Variants in DST observed in about 807,000 individuals in gnomAD.
DST encodes bullous pemphigoid antigen.
A neutral mutation model predicts 875.2 loss-of-function variants in DST; 253 were observed. The ratio of observed to expected loss-of-function variants is 0.29; its 90% CI spans 0.26 to 0.32. The LOEUF is 0.32. Ranked by LOEUF, DST falls within the 10% of genes least tolerant of loss-of-function variation. The pLI is 1.00. For missense variants in DST, 8,287 were observed against 9,111.6 expected (o/e 0.91, Z 3.68); for synonymous variants, 3,124 against 3,197.1 (o/e 0.98, Z 0.77).
intron 4 of DST, among the ~76,000 whole-genome samples, chr6:56,794,972 C>A (rs748056231): frequency 3.9e-5 from 6 of 152,062 alleles, no homozygotes; most frequent in Non-Finnish European, 5.9e-5. Flanking sequence ...ACACAGATAG[C>A]GAGTCCATAA....
chr6:56,748,237 A>G (rs1181018436), intron 4 of DST, among the ~76,000 whole-genome samples: 1 of 152,146 alleles, frequency 6.6e-6, no homozygotes, highest in Non-Finnish European at 1.5e-5. Context: ...ATGGTTGTAT[A>G]CCCTGTATAT....
intron 102 of DST, chr6:56,460,847 A>G (rs2094291986): frequency 6.6e-6 from 1 of 152,240 alleles, no homozygotes; most frequent in African/African-American, 2.4e-5. Flanking sequence ...TATCACTTCT[A>G]CAGTCTTTAC....
At chr6:56,702,590 T>C (rs921600922) in intron 7 of DST, among the ~76,000 whole-genome samples, 1 of 152,158 alleles carries the variant, frequency 6.6e-6, no homozygotes, top group South Asian at 2.1e-4. Context: ...ACTACGATAA[T>C]TAGAAAGGAC....
intron 69 of DST, among the ~76,000 whole-genome samples, chr6:56,520,408 T>A (rs1367851552): frequency 6.6e-6 from 1 of 151,584 alleles, no homozygotes; most frequent in Non-Finnish European, 1.5e-5. Context: ...GAGGGTAGGG[T>A]GGGATGGAAT....
intron 5 of DST, among the ~76,000 whole-genome samples, chr6:56,733,870 G>A (rs1337908108): frequency 6.6e-6 from 1 of 151,940 alleles, no homozygotes; most frequent in Non-Finnish European, 1.5e-5. Context: ...CAACAAGGGT[G>A]AAAAAAACAG....
intron 2 of DST, among the ~76,000 whole-genome samples, chr6:56,946,664 G>A (rs1196612090): frequency 6.6e-6 from 1 of 152,196 alleles, no homozygotes; most frequent in Non-Finnish European, 1.5e-5. Context: ...GGGAAGGAAG[G>A]CTAAGATGCC....
intron 3 of DST, among the ~76,000 whole-genome samples, chr6:56,860,561 G>C (rs763419766): frequency 6.6e-6 from 1 of 152,260 alleles, no homozygotes; most frequent in South Asian, 2.1e-4. Flanking sequence ...TCAGGCTCCC[G>C]ACGAATCTAG....
At chr6:56,628,182 T>G in intron 32 of DST, 21 bp from the exon 33 acceptor site, 1 of 1,609,088 alleles carries the variant, frequency 6.2e-7, no homozygotes, top group Non-Finnish European at 8.5e-7. Flanking sequence ...AGTAACCGAA[T>G]AGTCACGGTG....
Position 56,492,372 on chromosome 6 carries a change from G to T in DST, c.20612C>A (p.Thr6871Asn). The change falls in exon 85 of 104, where the codon ACC becomes AAC. Residue 6871 changes from threonine to asparagine, a missense_variant. Transcript: ENST00000680361. ...EQIIELDKTGTHLKYFSQKQD... is the reference protein window; with the variant it reads ...EQIIELDKTGNHLKYFSQKQD... ...TTTCTGACTAAAATATTTTAGGTGG[G>T]TTCCAGTTTTGTCCAGCTCTATTAT... 1 of 1,613,762 alleles carries T rather than the reference G, an allele frequency of 6.2e-7. No homozygotes were observed. Among genetic ancestry groups the T allele is most frequent in the Non-Finnish European group, 8.5e-7 (1 of 1,179,792 alleles).
In DST at chr6:56,594,079, G is replaced by C. The variant is rs1015657276; in HGVS notation, c.12310C>G (p.Leu4104Val). 1.1e-5 allele frequency: 17 copies of C among 1,611,390 alleles called. No individual in the cohort carries two copies. Among genetic ancestry groups the C allele is most frequent in the Admixed American group, 8.4e-5 (5 of 59,540 alleles). The change falls in exon 48 of 104, where the codon CTG becomes GTG. Residue 4104 changes from leucine to valine, a missense_variant. This residue lies in a region of DST where 1,513 missense variants were observed against 1,677.8 expected (regional missense o/e 0.90). Transcript: ENST00000680361. ...TTCAGTTCCTTCATGTTCTTTTGCA[G>C]TTTCTCTTTTTCTTCAGGAGAGAGA... ...QYLSPEEKEK[L>V]QKNMKELKVH...
At chr6:56,902,020 G>A (rs1794364138) in intron 2 of DST, among the ~76,000 whole-genome samples, 1 of 152,200 alleles carries the variant, frequency 6.6e-6, no homozygotes, top group Non-Finnish European at 1.5e-5. Context: ...AATGAATGAA[G>A]CTGAGTATAG....
chr6:56,572,732 G>T lies in DST; in HGVS notation c.13554+15C>A, dbSNP rs1435780152. 14 of 1,538,120 alleles carry T rather than the reference G, an allele frequency of 9.1e-6. No individual in the cohort carries two copies. Among genetic ancestry groups the T allele is most frequent in the Middle Eastern group, 1.7e-4 (1 of 5,750 alleles). Reference sequence around the variant, plus strand: ...ATCTATCTGATTAGCCTCCTGAGTAGTAAGGGAGGCATACCTGCATATACT... The same window carrying T: ...ATCTATCTGATTAGCCTCCTGAGTATTAAGGGAGGCATACCTGCATATACT... On this transcript the variant is annotated intron_variant, in intron 52 of 103. Transcript: ENST00000680361.
At chr6:56,594,853 C>T (rs75121501) in intron 47 of DST, among the ~76,000 whole-genome samples, 1,684 of 152,262 alleles carry the variant, frequency 0.011, 32 homozygotes, top group African/African-American at 0.038. Flanking sequence ...CATGAGATCA[C>T]ATATGTAGAG....
chr6:56,594,295 G>A, intron 47 of DST, 102 bp from the exon 48 acceptor site: 1 of 913,094 alleles, frequency 1.1e-6, no homozygotes. Flanking sequence ...ATGATCTACA[G>A]GGCTACAACT....
chr6:56,926,910 T>C (rs1243672499), intron 2 of DST, among the ~76,000 whole-genome samples: 1 of 152,184 alleles, frequency 6.6e-6, no homozygotes, highest in Non-Finnish European at 1.5e-5. Flanking sequence ...GCCAAGAGCA[T>C]ATTCATAATT....
At chr6:56,700,163 C>G (rs745900230) in intron 8 of DST, among the ~76,000 whole-genome samples, 1 of 152,246 alleles carries the variant, frequency 6.6e-6, no homozygotes, top group African/African-American at 2.4e-5. Context: ...AGGTTGCGCA[C>G]GCACTCCTTA....
At chr6:56,464,188 A>AAG (rs1435263446) in intron 100 of DST, 1 of 310,108 alleles carries the variant, frequency 3.2e-6, no homozygotes, top group Non-Finnish European at 6.2e-6. Flanking sequence ...TATTGAGGTA[A>AAG]AGAGAATGCC....
intron 4 of DST, among the ~76,000 whole-genome samples, chr6:56,812,996 A>G (rs1279827504): frequency 1.3e-5 from 2 of 152,018 alleles, no homozygotes. Flanking sequence ...AATGTCCAAC[A>G]ATGATAGACT....
At chr6:56,827,797 T>C (rs1043620130) in intron 4 of DST, among the ~76,000 whole-genome samples, 2 of 152,106 alleles carry the variant, frequency 1.3e-5, no homozygotes, top group African/African-American at 4.8e-5. Flanking sequence ...GAATGTAAAA[T>C]ATATGTGTGG....
Sources: gnomAD v4.1 joint callset for allele counts (sites outside exome capture counted in the v4.1 genomes callset) on GRCh38, gnomAD v4.1.1 for gene constraint, gnomAD v4.1.1 regional missense constraint, MANE v1.5 for transcripts, NCBI Gene and HGNC (gene_info 2026-07-23, HGNC 2026-07-21) for gene names.